The following SLC44A5 variants were observed in gnomAD, a reference collection of about 807,000 sequenced individuals.
SLC44A5 encodes the protein solute carrier family 44 member 5, also known as choline transporter-like protein 5.
SLC44A5 carries 57 observed loss-of-function variants against 101.8 expected under a neutral mutation model. The observed-to-expected ratio is 0.56, with a 90% confidence interval of 0.45 to 0.70. The LOEUF (loss-of-function observed/expected upper bound fraction) is 0.70. SLC44A5 is among the 30% of genes least tolerant of loss of function. SLC44A5 has a pLI of 0.00. For synonymous variants in SLC44A5, 281 were observed against 290.9 expected, an observed-to-expected ratio of 0.97 and a Z score of 0.35; for missense variants, 737 against 853.1, an observed-to-expected ratio of 0.86 and a Z score of 1.70.
At chr1:75,418,506 T>C (rs1663801513) in intron 2 of SLC44A5, among the ~76,000 whole-genome samples, 1 of 152,162 alleles carries the variant, frequency 6.6e-6, no homozygotes, top group African/African-American at 2.4e-5. Context: ...TTCAAGCCTA[T>C]GTCTAAAAGA....
At chr1:75,691,071 C>A in the SLC44A5 span, among the ~76,000 whole-genome samples, 5 of 152,220 alleles carry the variant, frequency 3.3e-5, no homozygotes, top group Middle Eastern at 3.4e-3. Context: ...TGCACCCCCC[C>A]CTTTCTTGAG....
intron 1 of SLC44A5, among the ~76,000 whole-genome samples, chr1:75,551,629 T>C (rs1022968921): frequency 6.6e-6 from 1 of 152,052 alleles, no homozygotes; most frequent in Non-Finnish European, 1.5e-5. Flanking sequence ...TGTTAACCTC[T>C]AGGTGTCCAC....
chr1:75,641,859 C>T, the SLC44A5 span: 1 of 1,503,754 alleles, frequency 6.7e-7, no homozygotes, highest in Admixed American at 1.7e-5. Flanking sequence ...TCTTCAAATA[C>T]CACTACTGTG....
the SLC44A5 span, among the ~76,000 whole-genome samples, chr1:75,677,176 G>C: frequency 2.9e-4 from 44 of 152,006 alleles, no homozygotes; most frequent in Middle Eastern, 0.01. Flanking sequence ...AAACTCACTG[G>C]TAACAGTAAA....
At chr1:75,237,297 C>A (rs147107723) in intron 10 of SLC44A5, among the ~76,000 whole-genome samples, 1 of 152,036 alleles carries the variant, frequency 6.6e-6, no homozygotes, top group Non-Finnish European at 1.5e-5. Context: ...TTTTCAAGAA[C>A]GGTGAACAAA....
At chr1:75,251,403 T>C (rs1211431565) in intron 6 of SLC44A5, 109 bp from the exon 7 acceptor site, 9 of 788,952 alleles carry the variant, frequency 1.1e-5, no homozygotes, top group Non-Finnish European at 1.8e-5. Flanking sequence ...TTTCATTATC[T>C]ACAGAGGCTG....
intron 7 of SLC44A5, among the ~76,000 whole-genome samples, chr1:75,250,484 G>A (rs1649476278): frequency 6.6e-6 from 1 of 152,092 alleles, no homozygotes; most frequent in South Asian, 2.1e-4. Context: ...CATCATTTTA[G>A]TAGAATGATT....
At chr1:75,470,147 T>A (rs957602865) in intron 2 of SLC44A5, among the ~76,000 whole-genome samples, 2 of 152,162 alleles carry the variant, frequency 1.3e-5, no homozygotes, top group African/African-American at 4.8e-5. Context: ...GAGCTTTTCA[T>A]AACAACCAAG....
chr1:75,447,999 A>G (rs1012861225), intron 2 of SLC44A5, among the ~76,000 whole-genome samples: 2 of 152,130 alleles, frequency 1.3e-5, no homozygotes, highest in African/African-American at 4.8e-5. Flanking sequence ...AACTACTCAA[A>G]TTAAATATAA....
the SLC44A5 span, among the ~76,000 whole-genome samples, chr1:75,652,171 C>T: frequency 6.6e-6 from 1 of 152,162 alleles, no homozygotes; most frequent in Non-Finnish European, 1.5e-5. Context: ...CTCCCAAGTG[C>T]TGGCAGGCCA....
chr1:75,443,123 A>G (rs1462008327), intron 2 of SLC44A5, among the ~76,000 whole-genome samples: 1 of 152,164 alleles, frequency 6.6e-6, no homozygotes, highest in East Asian at 1.9e-4. Context: ...TTGGTAATTC[A>G]ATAGCAGCCA....
intron 2 of SLC44A5, among the ~76,000 whole-genome samples, chr1:75,477,363 G>A (rs1667487155): frequency 1.3e-5 from 2 of 152,176 alleles, no homozygotes; most frequent in African/African-American, 2.4e-5. Context: ...CTCCTCCAAA[G>A]GAACGCAGTT....
chr1:75,634,182 C>T, the SLC44A5 span, among the ~76,000 whole-genome samples: 3 of 152,086 alleles, frequency 2.0e-5, no homozygotes, highest in Admixed American at 6.6e-5. Flanking sequence ...CTAAAATTCT[C>T]TTTTTTGGTT....
intron 2 of SLC44A5, among the ~76,000 whole-genome samples, chr1:75,526,060 A>T (rs1270724268): frequency 2.6e-5 from 4 of 152,182 alleles, no homozygotes; most frequent in African/African-American, 9.6e-5. Flanking sequence ...CCCAGAGTTA[A>T]CCTTTGTCTT....
intron 4 of SLC44A5, among the ~76,000 whole-genome samples, chr1:75,308,639 G>T (rs1298119418): frequency 6.6e-6 from 1 of 152,080 alleles, no homozygotes; most frequent in Non-Finnish European, 1.5e-5. Flanking sequence ...TACACAGCAG[G>T]GTGCAAAGAG....
chr1:75,665,440 T>C, the SLC44A5 span, among the ~76,000 whole-genome samples: 2 of 152,178 alleles, frequency 1.3e-5, no homozygotes, highest in Non-Finnish European at 2.9e-5. Flanking sequence ...TTTCATCATA[T>C]GCAAAGATTA....
At chr1:75,261,403 A>C (rs1650491648) in intron 6 of SLC44A5, among the ~76,000 whole-genome samples, 1 of 152,178 alleles carries the variant, frequency 6.6e-6, no homozygotes, top group Non-Finnish European at 1.5e-5. Context: ...CTACTCAAAG[A>C]AACTAGAAAA....
chr1:75,430,311 C>T (rs1265496683), intron 2 of SLC44A5, among the ~76,000 whole-genome samples: 1 of 152,238 alleles, frequency 6.6e-6, no homozygotes, highest in East Asian at 1.9e-4. Context: ...GAAGCAGAGA[C>T]CAGTCACTCA....
chr1:75,683,362 T>C, the SLC44A5 span, among the ~76,000 whole-genome samples: 1 of 152,128 alleles, frequency 6.6e-6, no homozygotes, highest in East Asian at 1.9e-4. Flanking sequence ...AACCCAAATG[T>C]CCAACAATGA....
Sources: allele counts gnomAD v4.1 joint callset (sites outside exome capture counted in the v4.1 genomes callset), GRCh38; gene constraint gnomAD v4.1.1; transcripts MANE v1.5; gene names NCBI Gene and HGNC (gene_info 2026-07-23, HGNC 2026-07-21).